SYNPR: variants seen among roughly 807,000 people sequenced by gnomAD.
SYNPR encodes the protein synaptoporin.
Under a neutral mutation model 32.9 loss-of-function variants are expected in SYNPR, and 23 were observed. That is an observed-to-expected ratio of 0.70 (90% confidence interval 0.50 to 0.99). SYNPR has a LOEUF of 0.99. SYNPR is among the 50% of genes least tolerant of loss of function. SYNPR has a pLI of 0.00. For synonymous variants in SYNPR, 146 were observed against 135.9 expected, an observed-to-expected ratio of 1.07 and a Z score of -0.52; for missense variants, 318 against 349.3, an observed-to-expected ratio of 0.91 and a Z score of 0.71.
At chr3:63,499,392 T>C (rs996661092) in intron 3 of SYNPR, among the ~76,000 whole-genome samples, 4 of 152,090 alleles carry the variant, frequency 2.6e-5, no homozygotes, top group Admixed American at 2.6e-4. Context: ...AAATGACCTG[T>C]TGTAGAAAGC....
At chr3:63,503,037 G>T (rs1315733999) in intron 3 of SYNPR, among the ~76,000 whole-genome samples, 1 of 152,120 alleles carries the variant, frequency 6.6e-6, no homozygotes, top group East Asian at 1.9e-4. Context: ...TTTAGTTTGT[G>T]TAAGAAATCA....
chr3:63,289,927 G>A (rs537323563), intron 2 of SYNPR, among the ~76,000 whole-genome samples: 1 of 151,944 alleles, frequency 6.6e-6, no homozygotes, highest in South Asian at 2.1e-4. Context: ...TCAAGAGATC[G>A]AGACCATCCT....
At chr3:63,208,046 AACACACAC>A in the SYNPR span, among the ~76,000 whole-genome samples, 1 of 150,108 alleles carries the variant, frequency 6.7e-6, no homozygotes, top group African/African-American at 2.4e-5. Context: ...CACACACACA[AACACACAC>A]ACACACACAC....
At chr3:63,543,359 T>C (rs968388820) in intron 3 of SYNPR, among the ~76,000 whole-genome samples, 2 of 152,140 alleles carry the variant, frequency 1.3e-5, no homozygotes, top group African/African-American at 4.8e-5. Flanking sequence ...CTTGTAAGAC[T>C]TATTTGTAGC....
chr3:63,267,233 A>G (rs1156965573), intron 2 of SYNPR: 1 of 152,188 alleles, frequency 6.6e-6, no homozygotes, highest in African/African-American at 2.4e-5. Context: ...TTGCTCTCTC[A>G]GTTTGTTGGG....
At chr3:63,270,941 CCTT>C (rs1246359308) in intron 3 of SYNPR, among the ~76,000 whole-genome samples, 4 of 27,760 alleles carry the variant, frequency 1.4e-4, no homozygotes, top group African/African-American at 4.1e-4. Flanking sequence ...TTCCTTCCTT[CCTT>C]CTTTTCTTCC....
intron 2 of SYNPR, among the ~76,000 whole-genome samples, chr3:63,349,127 G>A (rs2087474098): frequency 6.6e-6 from 1 of 151,304 alleles, no homozygotes; most frequent in Admixed American, 6.6e-5. Context: ...TTTTGAGATG[G>A]AGTCTCTCTC....
intron 4 of SYNPR, among the ~76,000 whole-genome samples, chr3:63,591,334 T>C (rs1474240606): frequency 1.6e-5 from 2 of 128,916 alleles, no homozygotes; most frequent in Non-Finnish European, 3.3e-5. Flanking sequence ...TGTGGAGAAA[T>C]AGGAACACTT....
At chr3:63,503,122 T>C (rs552095874) in intron 3 of SYNPR, among the ~76,000 whole-genome samples, 17 of 152,300 alleles carry the variant, frequency 1.1e-4, no homozygotes, top group Admixed American at 2.0e-4. Flanking sequence ...ATCAGTGTTC[T>C]GGATTTTTGC....
chr3:63,486,896 A>G (rs1003773645), intron 3 of SYNPR, among the ~76,000 whole-genome samples: 1 of 152,104 alleles, frequency 6.6e-6, no homozygotes, highest in Admixed American at 6.6e-5. Flanking sequence ...GTGTCCTTCA[A>G]TGTCAGCTTC....
intron 2 of SYNPR, among the ~76,000 whole-genome samples, chr3:63,340,314 A>C (rs1001120657): frequency 6.6e-5 from 10 of 152,090 alleles, no homozygotes; most frequent in South Asian, 2.1e-4. Flanking sequence ...TTTTTTTCTC[A>C]ATATTTTGCT....
chr3:63,252,860 G>C (rs1246636481), intron 2 of SYNPR, among the ~76,000 whole-genome samples: 1 of 151,982 alleles, frequency 6.6e-6, no homozygotes, highest in African/African-American at 2.4e-5. Context: ...GGCCAACATG[G>C]TGAAACTGTC....
intron 3 of SYNPR, among the ~76,000 whole-genome samples, chr3:63,535,453 A>T (rs1371602461): frequency 6.6e-6 from 1 of 152,110 alleles, no homozygotes; most frequent in Non-Finnish European, 1.5e-5. Context: ...AAAAGAACTG[A>T]TTAATATTTT....
chr3:63,456,122 T>C (rs943262669), intron 2 of SYNPR, among the ~76,000 whole-genome samples: 2 of 152,036 alleles, frequency 1.3e-5, no homozygotes, highest in Non-Finnish European at 2.9e-5. Flanking sequence ...ATGAGATTTA[T>C]TCACTATCAC....
At chr3:63,283,966 G>A (rs6785654) in intron 2 of SYNPR, among the ~76,000 whole-genome samples, 44,124 of 151,512 alleles carry the variant, frequency 0.29, 6,798 homozygotes, top group South Asian at 0.46. Flanking sequence ...CTGCCACCAC[G>A]CCTGGCTAAT....
chr3:63,514,846 G>A (rs1242193895), intron 3 of SYNPR, among the ~76,000 whole-genome samples: 3 of 151,974 alleles, frequency 2.0e-5, no homozygotes, highest in Non-Finnish European at 2.9e-5. Flanking sequence ...TTTTCTCGGC[G>A]CATTTACTTT....
intron 2 of SYNPR, among the ~76,000 whole-genome samples, chr3:63,254,083 C>G (rs954339980): frequency 4.6e-5 from 7 of 152,046 alleles, no homozygotes; most frequent in Admixed American, 1.3e-4. Flanking sequence ...AAACCAAACA[C>G]CGCATGTTCT....
chr3:63,591,747 A>G (rs1242362288), intron 4 of SYNPR, among the ~76,000 whole-genome samples: 1 of 128,402 alleles, frequency 7.8e-6, no homozygotes, highest in Non-Finnish European at 1.6e-5. Flanking sequence ...ATAGGTGGGA[A>G]TTGAACAATG....
At chr3:63,299,679 G>A (rs988844673) in intron 2 of SYNPR, among the ~76,000 whole-genome samples, 2 of 152,104 alleles carry the variant, frequency 1.3e-5, no homozygotes, top group African/African-American at 2.4e-5. Context: ...GGAACAATGG[G>A]TAGAAAGAAA....
Sources: allele counts gnomAD v4.1 joint callset (sites outside exome capture counted in the v4.1 genomes callset), GRCh38; gene constraint gnomAD v4.1.1; transcripts MANE v1.5; gene names NCBI Gene and HGNC (gene_info 2026-07-23, HGNC 2026-07-21).